The following DCUN1D5 variants were observed in gnomAD, a reference collection of about 807,000 sequenced individuals.
DCUN1D5 encodes DCN1-like protein 5.
In DCUN1D5, 10 loss-of-function variants were observed where a neutral mutation model predicts 38.3. The observed-to-expected ratio is 0.26, with a 90% confidence interval of 0.16 to 0.44. The LOEUF is 0.44. Among genes scored for constraint, DCUN1D5 ranks in the 20% least tolerant of loss-of-function variants. DCUN1D5 has a pLI of 1.00. For missense variants in DCUN1D5, 148 were observed against 275.3 expected, an observed-to-expected ratio of 0.54 and a Z score of 3.27; for synonymous variants, 93 against 90.9, an observed-to-expected ratio of 1.02 and a Z score of -0.13.
chr11:103,086,672 G>A lies in DCUN1D5; in HGVS notation c.178+2555C>T, dbSNP rs1862716084. ...TCACCAGAAGGCAAGTCCCCCAAAGGCAGGGATCTTGTCTGACTTGCTCAG... is the reference window on the plus strand; with the variant it reads ...TCACCAGAAGGCAAGTCCCCCAAAGACAGGGATCTTGTCTGACTTGCTCAG... On this transcript the variant is annotated intron_variant, in intron 2 of 7. Coordinates refer to ENST00000260247, the MANE Select transcript of DCUN1D5 (RefSeq NM_032299.4). The surrounding 1 kb of genome is among the most constrained non-coding windows in gnomAD (Gnocchi z 4.1). 6.6e-6 allele frequency among the ~76,000 whole-genome samples: 1 copy of A among 152,082 alleles called. No homozygotes were observed. The highest frequency in any genetic ancestry group is 2.1e-4 in the South Asian group (1 of 4,830).
At chr11:103,076,292 TATA>T (rs1019350573) in intron 4 of DCUN1D5, among the ~76,000 whole-genome samples, 3 of 152,248 alleles carry the variant, frequency 2.0e-5, no homozygotes, top group Non-Finnish European at 4.4e-5. Flanking sequence ...TATTTAATTA[TATA>T]ATGTTTCAAA....
chr11:103,057,551 CAAA>C lies in DCUN1D5; in HGVS notation c.*4805_*4807del, dbSNP rs113032356. Among the ~76,000 whole-genome samples the C allele has an allele frequency of 7.0e-6, 1 of 143,034 alleles. No individual in the cohort carries two copies. Among genetic ancestry groups the C allele is most frequent in the African/African-American group, 2.6e-5 (1 of 38,958 alleles). 93.8% of individuals were successfully genotyped at this position (143,034 alleles called of 152,430 possible). A position where few individuals can be genotyped will look rare whatever the true frequency, so the allele number is the denominator to read the frequency against. Reference sequence around the variant, plus strand: ...GAAATCCCATCTTTACTAAAACAAACAAAAAAAAAAATACAAAACTTAGCTGGG... The same window carrying C: ...GAAATCCCATCTTTACTAAAACAAACAAAAAAAATACAAAACTTAGCTGGG... On this transcript the variant is annotated 3_prime_UTR_variant, in exon 8 of 8. Coordinates refer to ENST00000260247, the MANE Select transcript of DCUN1D5 (RefSeq NM_032299.4). This position sits in a 1 kb window ranked among gnomAD's most constrained non-coding sequence, Gnocchi z 4.8.
In DCUN1D5 at chr11:103,089,255, C is replaced by T. The variant is rs746660904; in HGVS notation, c.150G>A (p.Lys50=). The change falls in exon 2 of 8, where the codon AAG becomes AAA. Residue 50 remains lysine (K), a synonymous_variant. Coordinates refer to ENST00000260247, the MANE Select transcript of DCUN1D5 (RefSeq NM_032299.4). ...ISGEEHFSSK[K]CLAWFYEYAG... is the part of the protein sequence containing the mutation. ...CATATTCATAAAACCAAGCCAGGCA[C>T]TTCTTGCTTGAAAAATGTTCCTCTC... 6.2e-7 allele frequency: 1 copy of T among 1,613,668 alleles called. No individual in the cohort carries two copies. Among genetic ancestry groups the T allele is most frequent in the Non-Finnish European group, 8.5e-7 (1 of 1,179,754 alleles).
rs538754331 is a variant in DCUN1D5 at position 103,062,131 on chromosome 11, T to A, written c.*228A>T. ...CTTTATTGTTCTGAAATAAATGTTA[T>A]AAACATAACTCAAAACAAAAACTTC... is the stretch of plus-strand genomic sequence containing the variant. On this transcript the variant is annotated 3_prime_UTR_variant, in exon 8 of 8. Coordinates refer to ENST00000260247, the MANE Select transcript of DCUN1D5 (RefSeq NM_032299.4). This position sits in a 1 kb window ranked among gnomAD's most constrained non-coding sequence, Gnocchi z 4.6. The A allele has an allele frequency of 2.2e-6, 1 of 459,204 alleles. No homozygotes were observed. Among genetic ancestry groups the A allele is most frequent in the South Asian group, 4.4e-5 (1 of 22,860 alleles). The allele number at this position is 459,204 out of a possible 1,614,324, so 28.4% of individuals were successfully genotyped here.
At position 103,061,764 on chromosome 11, in the gene DCUN1D5, A is replaced by AT. The variant is rs973545858; in HGVS notation, c.*594dup. Among the ~76,000 whole-genome samples the AT allele has an allele frequency of 7.2e-5, 11 of 152,094 alleles. No individual in the cohort carries two copies. The highest frequency in any genetic ancestry group is 2.7e-4 in the African/African-American group (11 of 41,444). On this transcript the variant is annotated 3_prime_UTR_variant, in exon 8 of 8. Coordinates refer to ENST00000260247, the MANE Select transcript of DCUN1D5 (RefSeq NM_032299.4). ...TCTTTCCAATTCTAAGCTCTCTGAGATAAGACATCTGCATAAGACCTTGGC... is the reference window on the plus strand; with the variant it reads ...TCTTTCCAATTCTAAGCTCTCTGAGATTAAGACATCTGCATAAGACCTTGGC...
chr11:103,075,677 C>A (rs561280293), intron 4 of DCUN1D5, among the ~76,000 whole-genome samples: 2 of 152,124 alleles, frequency 1.3e-5, no homozygotes, highest in African/African-American at 2.4e-5. Context: ...CCGGGCCTGG[C>A]CAAGATGTTT....
At chr11:103,084,839 T>C (rs922269683) in intron 2 of DCUN1D5, among the ~76,000 whole-genome samples, 2 of 150,784 alleles carry the variant, frequency 1.3e-5, no homozygotes, top group South Asian at 2.1e-4. Flanking sequence ...AAAAAAAAAA[T>C]AGCCTTGTGT....
intron 4 of DCUN1D5, among the ~76,000 whole-genome samples, chr11:103,067,610 T>G (rs1257851823): frequency 1.3e-5 from 2 of 152,220 alleles, no homozygotes; most frequent in African/African-American, 4.8e-5. Context: ...CCTGGCATTC[T>G]CAGATTTAAC....
At chr11:103,069,994 A>T (rs1469780698) in intron 4 of DCUN1D5, among the ~76,000 whole-genome samples, 1 of 152,206 alleles carries the variant, frequency 6.6e-6, no homozygotes, top group East Asian at 1.9e-4. Flanking sequence ...CAATACTTGC[A>T]ACCACCAAAA....
rs1861986565 is a variant in DCUN1D5, at chr11:103,060,477, T to A, written c.*1882A>T. 6.6e-6 allele frequency among the ~76,000 whole-genome samples: 1 copy of A among 152,124 alleles called. No homozygotes were observed. The highest frequency in any genetic ancestry group is 6.6e-5 in the Admixed American group (1 of 15,256). On this transcript the variant is annotated 3_prime_UTR_variant, in exon 8 of 8. Coordinates refer to ENST00000260247, the MANE Select transcript of DCUN1D5 (RefSeq NM_032299.4). ...CGACACCTACATACACGGGGAGGGC[T>A]GACTTTTTATACAGGCAGGTTCCAC... is the stretch of plus-strand genomic sequence containing the variant.
At chr11:103,089,198 C>A in intron 2 of DCUN1D5, 29 bp downstream of exon 2, 2 of 1,599,148 alleles carry the variant, frequency 1.3e-6, no homozygotes, top group East Asian at 4.5e-5. Context: ...AAGCATATGA[C>A]TAGTATCTTC....
chr11:103,070,094 G>GA (rs1203325674), intron 4 of DCUN1D5, among the ~76,000 whole-genome samples: 1 of 143,888 alleles, frequency 6.9e-6, no homozygotes, highest in East Asian at 2.0e-4. Flanking sequence ...ATAGAAAAAT[G>GA]AAAAAATATA....
Position 103,058,969 on chromosome 11 carries a change from T to C in DCUN1D5, c.*3390A>G, listed in dbSNP as rs1861945207. ...AAAGAAAGGCATTTAGTTTTCCTTT[T>C]TTTTTTTTATTAAAATGCCCTCAAT... On this transcript the variant is annotated 3_prime_UTR_variant, in exon 8 of 8. Coordinates refer to ENST00000260247, the MANE Select transcript of DCUN1D5 (RefSeq NM_032299.4). 1.3e-5 allele frequency among the ~76,000 whole-genome samples: 2 copies of C among 152,044 alleles called. No individual in the cohort carries two copies. Among genetic ancestry groups the C allele is most frequent in the African/African-American group, 4.8e-5 (2 of 41,416 alleles).
In DCUN1D5 at chr11:103,078,287, A is replaced by G. The variant is rs961243165; in HGVS notation, c.341+4461T>C. On this transcript the variant is annotated intron_variant, in intron 4 of 7. Transcript: ENST00000260247. The surrounding 1 kb of genome is among the most constrained non-coding windows in gnomAD (Gnocchi z 4.6). ...TTGCTCCAACACCAGACTTTCAGCT[A>G]GCAGATATGAGAAAAGACCTCCACT... is the stretch of plus-strand genomic sequence containing the variant. Among the ~76,000 whole-genome samples, 1 of 152,210 alleles carries G rather than the reference A, an allele frequency of 6.6e-6. No homozygotes were observed. Among genetic ancestry groups the G allele is most frequent in the Admixed American group, 6.5e-5 (1 of 15,276 alleles).
chr11:103,066,401 A>G lies in DCUN1D5; in HGVS notation c.451-28T>C. ...AAAATATAAGTGAAAAAGTTTTCCT[A>G]AGTGTGGTCTCAAGATGAAAAGCTA... On this transcript the variant is annotated intron_variant, in intron 5 of 7. Transcript: ENST00000260247. The surrounding 1 kb of genome is among the most constrained non-coding windows in gnomAD (Gnocchi z 4.7). 2 of 1,597,764 alleles carry G rather than the reference A, an allele frequency of 1.3e-6. No homozygotes were observed. Among genetic ancestry groups the G allele is most frequent in the South Asian group, 1.1e-5 (1 of 88,610 alleles).
At chr11:103,069,476 A>T (rs1862217807) in intron 4 of DCUN1D5, among the ~76,000 whole-genome samples, 1 of 152,210 alleles carries the variant, frequency 6.6e-6, no homozygotes, top group African/African-American at 2.4e-5. Context: ...ACCAGGATAT[A>T]ATAAAGCCTC....
rs1193850527 is a variant in DCUN1D5 at position 103,051,399 on chromosome 11, A to G, written c.*10960T>C. On this transcript the variant is annotated 3_prime_UTR_variant, in exon 8 of 8. Transcript: ENST00000260247. The stretch of plus-strand genomic sequence containing the variant: ...CAACCTTAGAAATGATATCAGCATG[A>G]AAAGTTCATGACTTATTCACCTGTG... 1 of 152,072 alleles carries G rather than the reference A, an allele frequency of 6.6e-6. No individual in the cohort carries two copies. The highest frequency in any genetic ancestry group is 1.5e-5 in the Non-Finnish European group (1 of 68,024). The allele number at this position is 152,072 out of a possible 1,614,324, so 9.4% of individuals were successfully genotyped here. A position where few individuals can be genotyped will look rare whatever the true frequency, so the allele number is the denominator to read the frequency against.
chr11:103,064,711 G>A lies in DCUN1D5; in HGVS notation c.556-334C>T, dbSNP rs1373849247. 6.6e-6 allele frequency among the ~76,000 whole-genome samples: 1 copy of A among 152,008 alleles called. No homozygotes were observed. The highest frequency in any genetic ancestry group is 1.9e-4 in the East Asian group (1 of 5,184). On this transcript the variant is annotated intron_variant, in intron 6 of 7. Transcript: ENST00000260247. This position sits in a 1 kb window ranked among gnomAD's most constrained non-coding sequence, Gnocchi z 4.5. ...TACATCCAGTATGTTCTATTGTGCT[G>A]CTTCCTAGTAAATCATTTCTTTGCT...
rs1862866475 is a variant in DCUN1D5, at chr11:103,091,552, C to T, written c.86+235G>A. On this transcript the variant is annotated intron_variant, in intron 1 of 7. Coordinates refer to ENST00000260247, the MANE Select transcript of DCUN1D5 (RefSeq NM_032299.4). This position sits in a 1 kb window ranked among gnomAD's most constrained non-coding sequence, Gnocchi z 4.3. ...TTCCCCACCCTGCAGGGCACGTAGA[C>T]TCTTAACGTGGGCGGCTCTTCTAGT... is the stretch of plus-strand genomic sequence containing the variant. 6.6e-6 allele frequency: 4 copies of T among 604,260 alleles called. No individual in the cohort carries two copies. Among genetic ancestry groups the T allele is most frequent in the Non-Finnish European group, 1.2e-5 (4 of 347,730 alleles). The allele number at this position is 604,260 out of a possible 1,614,324, so 37.4% of individuals were successfully genotyped here.
Sources: allele counts gnomAD v4.1 joint callset (sites outside exome capture counted in the v4.1 genomes callset), GRCh38; gene constraint gnomAD v4.1.1; non-coding constraint Gnocchi (gnomAD v3.1); transcripts MANE v1.5; gene names NCBI Gene and HGNC (gene_info 2026-07-23, HGNC 2026-07-21).